The following ME1 variants were observed in gnomAD, a reference collection of about 807,000 sequenced individuals.
ME1 encodes NADP-dependent malic enzyme.
In ME1, 74 loss-of-function variants were observed where a neutral mutation model predicts 66.4. That is an observed-to-expected ratio of 1.11 (90% CI 0.92 to 1.35). The LOEUF (loss-of-function observed/expected upper bound fraction) is 1.35, where lower values mean the gene tolerates loss of function less well. Ranked by LOEUF, ME1 falls within the 40% of genes most tolerant of loss-of-function variation. The probability of loss-of-function intolerance (pLI) is 0.00; values close to 1 mark genes in which losing one functional copy is unlikely to be tolerated. For synonymous variants in ME1, 251 were observed against 235.6 expected (o/e 1.07, Z -0.60); for missense variants, 750 against 694.1 (o/e 1.08, Z -0.90).
chr6:83,248,970 C>A, intron 7 of ME1, among the ~76,000 whole-genome samples: 1 of 152,016 alleles, frequency 6.6e-6, no homozygotes. Flanking sequence ...CCTATATTTG[C>A]TTTTCATGAA....
intron 3 of ME1, among the ~76,000 whole-genome samples, chr6:83,365,781 T>C (rs1260212961): frequency 6.6e-6 from 1 of 152,198 alleles, no homozygotes; most frequent in Non-Finnish European, 1.5e-5. Context: ...AAACAGAGAT[T>C]CAGCTTCTAG....
intron 1 of ME1, among the ~76,000 whole-genome samples, chr6:83,418,948 T>C (rs948304795): frequency 6.6e-6 from 1 of 152,116 alleles, no homozygotes; most frequent in East Asian, 1.9e-4. Context: ...TGGGGGTAGG[T>C]AGAGAAGAAA....
intron 6 of ME1, among the ~76,000 whole-genome samples, chr6:83,274,711 ACATT>A (rs1767144810): frequency 6.6e-6 from 1 of 152,234 alleles, no homozygotes; most frequent in Non-Finnish European, 1.5e-5. Flanking sequence ...CAATCGATTT[ACATT>A]TTGAAATCTG....
At chr6:83,421,171 CATTTT>C (rs1486534972) in intron 1 of ME1, among the ~76,000 whole-genome samples, 8 of 152,128 alleles carry the variant, frequency 5.3e-5, no homozygotes, top group Admixed American at 5.2e-4. Flanking sequence ...AGAACACAGA[CATTTT>C]ATAAATTATG....
At chr6:83,219,590 T>G (rs1166881227) in intron 12 of ME1, among the ~76,000 whole-genome samples, 1 of 151,878 alleles carries the variant, frequency 6.6e-6, no homozygotes, top group African/African-American at 2.4e-5. Context: ...CTATTTTGTT[T>G]TATGTATGTA....
intron 5 of ME1, among the ~76,000 whole-genome samples, chr6:83,331,947 T>C (rs1049922340): frequency 2.6e-5 from 4 of 152,126 alleles, no homozygotes; most frequent in Admixed American, 6.5e-5. Context: ...ATATTAGTCA[T>C]ATACAAGAAA....
At chr6:83,428,989 C>T (rs769761356) in intron 1 of ME1, among the ~76,000 whole-genome samples, 10 of 152,038 alleles carry the variant, frequency 6.6e-5, no homozygotes, top group Admixed American at 4.6e-4. Context: ...CTTGGCTGGG[C>T]GCGGTGGCTC....
At chr6:83,316,722 C>G (rs1385276634) in intron 5 of ME1, among the ~76,000 whole-genome samples, 1 of 151,918 alleles carries the variant, frequency 6.6e-6, no homozygotes, top group African/African-American at 2.4e-5. Flanking sequence ...GAATTTAACA[C>G]AATCACAGTT....
At chr6:83,344,230 AAGCTATGATAGTGCCACTG>A (rs981147206) in intron 5 of ME1, among the ~76,000 whole-genome samples, 1 of 151,206 alleles carries the variant, frequency 6.6e-6, no homozygotes, top group Non-Finnish European at 1.5e-5. Flanking sequence ...AGGCTGCAAT[AAGCTATGATAGTGCCACTG>A]CACTACAGCC....
At chr6:83,406,258 G>A (rs376434272) in intron 2 of ME1, among the ~76,000 whole-genome samples, 4 of 152,130 alleles carry the variant, frequency 2.6e-5, no homozygotes, top group African/African-American at 4.8e-5. Flanking sequence ...TTTTCACATC[G>A]ATGTTCATCA....
rs140157932 is a variant in ME1 at position 83,281,806 on chromosome 6, C to CAAAAAAAAAAAAAAAAAAAAA, written c.705-28089_705-28069dup. The stretch of plus-strand genomic sequence containing the variant: ...GGGTGACAGACTGAGACTCTGTCTC[C>CAAAAAAAAAAAAAAAAAAAAA]AAAAAAAAAAAAAAAAAAAAAAAAA... On this transcript the variant is annotated intron_variant, in intron 6 of 13. Transcript: ENST00000369705. Among the ~76,000 whole-genome samples the CAAAAAAAAAAAAAAAAAAAAA allele has an allele frequency of 1.4e-3, 19 of 13,288 alleles. 4 individuals are homozygous for CAAAAAAAAAAAAAAAAAAAAA. The highest frequency in any genetic ancestry group is 3.6e-3 in the African/African-American group (11 of 3,050). The allele number at this position is 13,288 out of a possible 152,430, so 8.7% of individuals were successfully genotyped here. A position where few individuals can be genotyped will look rare whatever the true frequency, so the allele number is the denominator to read the frequency against.
intron 6 of ME1, among the ~76,000 whole-genome samples, chr6:83,296,670 C>T (rs1767603006): frequency 6.6e-6 from 1 of 152,100 alleles, no homozygotes; most frequent in South Asian, 2.1e-4. Flanking sequence ...TTGTCCACAG[C>T]AATCAGGCAA....
chr6:83,278,619 CTT>C (rs988709141), intron 6 of ME1, among the ~76,000 whole-genome samples: 1 of 145,784 alleles, frequency 6.9e-6, no homozygotes, highest in African/African-American at 2.5e-5. Flanking sequence ...TGACTAGAGT[CTT>C]TTTTTTTTTA....
At position 83,308,520 on chromosome 6, in the gene ME1, C is replaced by T. The variant is rs1023356263; in HGVS notation, c.704+6790G>A. On this transcript the variant is annotated intron_variant, in intron 6 of 13. Transcript: ENST00000369705. ...ACTATAAGGAGTACAACTACAAAAA[C>T]AAACACACATATTTAAGAGCTTTAA... Among the ~76,000 whole-genome samples the T allele has an allele frequency of 8.2e-5, 12 of 145,700 alleles. 1 individual carries two copies. Among genetic ancestry groups the T allele is most frequent in the Admixed American group, 6.2e-4 (9 of 14,574 alleles).
chr6:83,257,478 A>C (rs1377629319), intron 6 of ME1, among the ~76,000 whole-genome samples: 1 of 152,160 alleles, frequency 6.6e-6, no homozygotes, highest in African/African-American at 2.4e-5. Context: ...AAAATATTTA[A>C]AACAACCATT....
rs138972982 is a variant in ME1 at position 83,229,476 on chromosome 6, T to C, written c.1027-545A>G. Among the ~76,000 whole-genome samples, 84 of 152,328 alleles carry C rather than the reference T, an allele frequency of 5.5e-4. 1 individual carries two copies. The highest frequency in any genetic ancestry group is 1.8e-3 in the African/African-American group (76 of 41,576). On this transcript the variant is annotated intron_variant, in intron 9 of 13. Coordinates refer to ENST00000369705, the MANE Select transcript of ME1 (RefSeq NM_002395.6). ...TTATCTAGTAAACATCTAATTATAA[T>C]ATTCTAGCTGCAAATTTTAAAGATT...
chr6:83,293,572 G>T (rs1145909), intron 6 of ME1, among the ~76,000 whole-genome samples: 15,020 of 152,112 alleles, frequency 0.099, 1,053 homozygotes, highest in Middle Eastern at 0.16. Context: ...TGAAGATTCA[G>T]CCATGCCTAG....
chr6:83,237,622 T>A (rs910560577), intron 9 of ME1, 95 bp downstream of exon 9: 28 of 616,772 alleles, frequency 4.5e-5, no homozygotes, highest in Middle Eastern at 4.4e-4. Flanking sequence ...TTTAATATAG[T>A]GTAAAGGGAG....
intron 6 of ME1, among the ~76,000 whole-genome samples, chr6:83,287,514 G>A (rs1002287266): frequency 6.6e-6 from 1 of 152,022 alleles, no homozygotes; most frequent in Non-Finnish European, 1.5e-5. Flanking sequence ...TAGTATTCCA[G>A]AGTATATATG....
Sources: gnomAD v4.1 joint callset for allele counts (sites outside exome capture counted in the v4.1 genomes callset) on GRCh38, gnomAD v4.1.1 for gene constraint, MANE v1.5 for transcripts, NCBI Gene and HGNC (gene_info 2026-07-23, HGNC 2026-07-21) for gene names.